USP9Y: variants seen among roughly 807,000 people sequenced by gnomAD.
USP9Y encodes ubiquitin carboxyl-terminal hydrolase 9Y.
USP9Y carries 41 observed loss-of-function variants against 53.1 expected under a neutral mutation model. The ratio of observed to expected loss-of-function variants is 0.77; its 90% confidence interval spans 0.60 to 1.00. The LOEUF (loss-of-function observed/expected upper bound fraction) is 1.00, where lower values mean the gene tolerates loss of function less well. Among genes scored for constraint, USP9Y ranks in the 50% least tolerant of loss-of-function variants. The pLI, the probability that USP9Y is intolerant of heterozygous loss-of-function variation, is 0.00. For synonymous variants in USP9Y, 220 were observed against 173.7 expected, an observed-to-expected ratio of 1.27 and a Z score of -2.09; for missense variants, 567 against 535.8, an observed-to-expected ratio of 1.06 and a Z score of -0.58.
chrY:12,801,266 A>T (rs777477217), intron 27 of USP9Y, among the ~76,000 whole-genome samples: 4 of 33,819 alleles, frequency 1.2e-4, no homozygotes, highest in African/African-American at 4.6e-4. Flanking sequence ...TGATTCATTA[A>T]TATTGCACAA....
intron 15 of USP9Y, among the ~76,000 whole-genome samples, chrY:12,766,939 G>T (rs2053480361): frequency 3.1e-5 from 1 of 32,763 alleles, no homozygotes; most frequent in East Asian, 8.1e-4. Context: ...CTTTTTGCTG[G>T]GTCTGACCCG....
chrY:12,842,050 C>CT (rs2053561629), intron 37 of USP9Y, among the ~76,000 whole-genome samples, 190 bp from the exon 38 acceptor site: 1 of 32,324 alleles, frequency 3.1e-5, no homozygotes, highest in African/African-American at 1.2e-4. Context: ...TATTTCATTC[C>CT]TTTTTTTGAC....
At chrY:12,815,792 G>T in intron 31 of USP9Y, among the ~76,000 whole-genome samples, 1 of 34,014 alleles carries the variant, frequency 2.9e-5, no homozygotes. Flanking sequence ...GGTCAGGCTG[G>T]TCTTGAACTC....
chrY:12,811,615 T>C lies in USP9Y; in HGVS notation c.4240-20T>C. The C allele has an allele frequency of 5.0e-6, 2 of 396,803 alleles. No individual in the cohort carries two copies. The highest frequency in any genetic ancestry group is 5.9e-5 in the South Asian group (2 of 33,676). ...ATCTCCATGTTGTGAGTTGGGCCTA[T>C]AATATTTTTCCTTTTGCAGGATAAT... On this transcript the variant is annotated intron_variant, in intron 29 of 45. Coordinates refer to ENST00000338981, the MANE Select transcript of USP9Y (RefSeq NM_004654.4).
chrY:12,793,528 G>T (rs779341531), intron 27 of USP9Y, among the ~76,000 whole-genome samples: 1 of 32,250 alleles, frequency 3.1e-5, no homozygotes, highest in African/African-American at 1.2e-4. Flanking sequence ...GCACAATATT[G>T]TGCAGTTATG....
intron 12 of USP9Y, among the ~76,000 whole-genome samples, chrY:12,742,380 C>T (rs1006271702): frequency 3.0e-5 from 1 of 33,193 alleles, no homozygotes; most frequent in African/African-American, 1.2e-4. Context: ...TGTATTTGGT[C>T]CCACCCACAT....
intron 27 of USP9Y, among the ~76,000 whole-genome samples, chrY:12,801,078 A>G: frequency 3.0e-5 from 1 of 33,506 alleles, no homozygotes; most frequent in African/African-American, 1.2e-4. Context: ...TTCCCCATGC[A>G]CAGATCTCCC....
rs1334422333 is a variant in USP9Y at position 12,840,533 on chromosome Y, C to T, written c.6007C>T (p.Arg2003Ter). ...ACAAAATGTGAAATTTATGCATAAC[C>T]GATTGCAATATAGTTTAGAGTATTT... The part of the protein sequence containing the change: ...RKQNVKFMHN[R>*]LQYSLEYFQF... Residue 2003 changes from arginine (R) to a stop codon, truncating the protein, a stop_gained, in exon 36 of 46, where the codon CGA becomes TGA. Coordinates refer to ENST00000338981, the MANE Select transcript of USP9Y (RefSeq NM_004654.4). LOFTEE classifies it high-confidence loss of function. 5 of 395,113 alleles carry T rather than the reference C, an allele frequency of 1.3e-5. No homozygotes were observed. The highest frequency in any genetic ancestry group is 1.8e-5 in the Non-Finnish European group (5 of 282,476).
At position 12,859,524 on chromosome Y, in the gene USP9Y, A is replaced by G; in HGVS notation, c.*108A>G. On this transcript the variant is annotated 3_prime_UTR_variant, in exon 46 of 46. Coordinates refer to ENST00000338981, the MANE Select transcript of USP9Y (RefSeq NM_004654.4). ...AAACTAGATAAACTGCTCCAAACCA[A>G]CATGGAGTAAAGAGCATATTCACTG... The G allele has an allele frequency of 3.7e-6, 1 of 269,617 alleles. No individual in the cohort carries two copies. Among genetic ancestry groups the G allele is most frequent in the Non-Finnish European group, 5.8e-6 (1 of 172,137 alleles). The allele number at this position is 269,617 out of a possible 400,897, so 67.3% of individuals were successfully genotyped here. A position where few individuals can be genotyped will look rare whatever the true frequency, so the allele number is the denominator to read the frequency against.
intron 33 of USP9Y, among the ~76,000 whole-genome samples, chrY:12,827,311 A>G (rs778201915): frequency 1.2e-4 from 4 of 33,457 alleles, no homozygotes; most frequent in Admixed American, 5.5e-4. Flanking sequence ...ACCAAGGAAT[A>G]CTTATTCCTA....
intron 5 of USP9Y, among the ~76,000 whole-genome samples, chrY:12,723,058 C>A: frequency 3.2e-5 from 1 of 31,380 alleles, no homozygotes; most frequent in Non-Finnish European, 7.7e-5. Flanking sequence ...TTTTTACATG[C>A]AAATCACTAT....
At chrY:12,776,577 C>A in intron 18 of USP9Y, 72 bp from the exon 19 acceptor site, 2 of 244,106 alleles carry the variant, frequency 8.2e-6, no homozygotes, top group Non-Finnish European at 1.4e-5. Flanking sequence ...CATTTTACTG[C>A]TTTTTATTAG....
chrY:12,725,617 C>T, intron 6 of USP9Y, among the ~76,000 whole-genome samples: 1 of 33,312 alleles, frequency 3.0e-5, no homozygotes, highest in African/African-American at 1.2e-4. Context: ...TCACTATGCA[C>T]AAATGTAAAG....
chrY:12,761,221 G>A (rs2053475169), intron 15 of USP9Y, among the ~76,000 whole-genome samples: 6 of 33,854 alleles, frequency 1.8e-4, no homozygotes, highest in South Asian at 1.3e-3. Flanking sequence ...TGGCCTCCCA[G>A]AGTGCTGGGA....
chrY:12,733,608 C>T, intron 7 of USP9Y, among the ~76,000 whole-genome samples: 15 of 31,709 alleles, frequency 4.7e-4, no homozygotes, highest in Admixed American at 4.4e-3. Context: ...ACTTCTGCCT[C>T]CCAGGTTCAA....
intron 1 of USP9Y, among the ~76,000 whole-genome samples, chrY:12,704,316 C>A: frequency 3.0e-5 from 1 of 33,315 alleles, no homozygotes; most frequent in Non-Finnish European, 7.4e-5. Flanking sequence ...ATGTATTGAA[C>A]CAACTTTGCA....
chrY:12,812,241 A>G, intron 30 of USP9Y, among the ~76,000 whole-genome samples: 1 of 33,237 alleles, frequency 3.0e-5, no homozygotes, highest in African/African-American at 1.2e-4. Context: ...TTCTTGTCCC[A>G]CTTCTCTTTT....
chrY:12,720,514 A>G, intron 3 of USP9Y, 75 bp from the exon 4 acceptor site: 2 of 266,912 alleles, frequency 7.5e-6, no homozygotes, highest in Admixed American at 1.8e-4. Flanking sequence ...ATTTGGGCAT[A>G]TATATGGATA....
At chrY:12,731,480 C>T in intron 7 of USP9Y, among the ~76,000 whole-genome samples, 1 of 33,386 alleles carries the variant, frequency 3.0e-5, no homozygotes, top group Admixed American at 2.7e-4. Flanking sequence ...GTCCTTTACA[C>T]CTCACCTGCT....
Sources: allele counts gnomAD v4.1 joint callset (sites outside exome capture counted in the v4.1 genomes callset), GRCh38; gene constraint gnomAD v4.1.1; transcripts MANE v1.5; gene names NCBI Gene and HGNC (gene_info 2026-07-23, HGNC 2026-07-21).